SMAP1: variants seen among roughly 807,000 people sequenced by gnomAD.
SMAP1 encodes the protein small ArfGAP 1.
A neutral mutation model predicts 58.5 loss-of-function variants in SMAP1; 24 were observed. The observed-to-expected ratio is 0.41, with a 90% CI of 0.30 to 0.58. SMAP1 has a LOEUF of 0.58. Among genes scored for constraint, SMAP1 ranks in the 20% least tolerant of loss-of-function variants. The probability of loss-of-function intolerance (pLI) is 0.29; values close to 1 mark genes in which losing one functional copy is unlikely to be tolerated. For missense variants in SMAP1, 563 were observed against 566.3 expected (o/e 0.99, Z 0.06); for synonymous variants, 216 against 196.6 (o/e 1.10, Z -0.82).
intron 3 of SMAP1, among the ~76,000 whole-genome samples, chr6:70,765,721 T>A (rs1480566499): frequency 6.6e-6 from 1 of 151,948 alleles, no homozygotes; most frequent in Non-Finnish European, 1.5e-5. Context: ...TATTCACTTT[T>A]CTTTTTTTAT....
intron 1 of SMAP1, among the ~76,000 whole-genome samples, chr6:70,695,332 G>A (rs1395181096): frequency 6.6e-6 from 1 of 152,114 alleles, no homozygotes; most frequent in African/African-American, 2.4e-5. Context: ...AATAACAGTA[G>A]TGACAGTGGG....
intron 6 of SMAP1, among the ~76,000 whole-genome samples, chr6:70,799,926 G>A (rs1377991187): frequency 3.9e-5 from 6 of 151,992 alleles, no homozygotes; most frequent in Non-Finnish European, 7.4e-5. Context: ...GTGTTGTCAG[G>A]GATTTTAGCA....
At chr6:70,668,548 G>A in intron 1 of SMAP1, 1 of 1,527,698 alleles carries the variant, frequency 6.5e-7, no homozygotes, top group Non-Finnish European at 8.7e-7. Context: ...GGGTGGGGCC[G>A]CGCTTAGGTC....
At chr6:70,852,460 A>G (rs1000624098) in intron 7 of SMAP1, 80 bp from the exon 8 acceptor site, 2 of 1,277,308 alleles carry the variant, frequency 1.6e-6, no homozygotes, top group South Asian at 4.8e-5. Flanking sequence ...TTTTAACCAT[A>G]TATCAATTTT....
chr6:70,787,707 C>T (rs1006280236), intron 4 of SMAP1, among the ~76,000 whole-genome samples: 2 of 151,736 alleles, frequency 1.3e-5, no homozygotes, highest in African/African-American at 4.8e-5. Context: ...AAATGCTCAT[C>T]ATCACTGGCC....
chr6:70,832,990 G>A (rs773268749), intron 6 of SMAP1, among the ~76,000 whole-genome samples: 6 of 151,942 alleles, frequency 3.9e-5, no homozygotes, highest in Non-Finnish European at 5.9e-5. Context: ...ACTTCCTGTC[G>A]TTTTACACAA....
At chr6:70,821,060 G>T (rs1246826078) in intron 6 of SMAP1, among the ~76,000 whole-genome samples, 3 of 151,902 alleles carry the variant, frequency 2.0e-5, no homozygotes, top group Non-Finnish European at 4.4e-5. Flanking sequence ...TTCCTGTTAG[G>T]ATTTCCCCCC....
intron 3 of SMAP1, among the ~76,000 whole-genome samples, chr6:70,767,615 G>T (rs1470855785): frequency 6.6e-6 from 1 of 151,278 alleles, no homozygotes; most frequent in Non-Finnish European, 1.5e-5. Context: ...CTGAGACTTT[G>T]CTGAAGTTGC....
At chr6:70,693,273 G>T (rs1767251557) in intron 1 of SMAP1, among the ~76,000 whole-genome samples, 1 of 145,978 alleles carries the variant, frequency 6.9e-6, no homozygotes, top group Non-Finnish European at 1.5e-5. Context: ...GTAAATTTTA[G>T]GATTTCTGTG....
intron 1 of SMAP1, among the ~76,000 whole-genome samples, chr6:70,724,481 C>T (rs772823437): frequency 1.1e-4 from 16 of 152,308 alleles, no homozygotes; most frequent in Non-Finnish European, 2.1e-4. Flanking sequence ...CAGGCGTGAG[C>T]CACTGCACCC....
chr6:70,729,426 G>A (rs1765325854), intron 1 of SMAP1, among the ~76,000 whole-genome samples: 1 of 141,662 alleles, frequency 7.1e-6, no homozygotes, highest in South Asian at 2.3e-4. Flanking sequence ...GCAACAGAGC[G>A]AGACTCCGTC....
chr6:70,816,053 A>G (rs1294006624), intron 6 of SMAP1, among the ~76,000 whole-genome samples: 1 of 152,178 alleles, frequency 6.6e-6, no homozygotes, highest in African/African-American at 2.4e-5. Context: ...AATAGGAGAC[A>G]GAGTGTGGAG....
chr6:70,859,478 A>G, intron 10 of SMAP1: 2 of 1,080,754 alleles, frequency 1.9e-6, no homozygotes, highest in South Asian at 3.1e-5. Context: ...AGTTTATGTT[A>G]GTGTCTTTGA....
intron 7 of SMAP1, among the ~76,000 whole-genome samples, chr6:70,845,907 G>A (rs553193233): frequency 2.6e-4 from 40 of 152,332 alleles, no homozygotes; most frequent in African/African-American, 9.1e-4. Context: ...CAACTGGAAA[G>A]GGGAAGCCCT....
chr6:70,827,531 A>G (rs867955153), intron 6 of SMAP1, among the ~76,000 whole-genome samples: 2 of 152,328 alleles, frequency 1.3e-5, no homozygotes, highest in Middle Eastern at 3.4e-3. Flanking sequence ...AAATGGGTAG[A>G]TGTTACAAAT....
At chr6:70,797,137 C>G (rs996982260) in intron 5 of SMAP1, among the ~76,000 whole-genome samples, 12 of 151,944 alleles carry the variant, frequency 7.9e-5, no homozygotes, top group African/African-American at 1.2e-4. Context: ...TATTCATGCC[C>G]CAAATATAAA....
intron 1 of SMAP1, among the ~76,000 whole-genome samples, chr6:70,680,507 T>C (rs1233243023): frequency 1.3e-5 from 2 of 152,168 alleles, no homozygotes; most frequent in Non-Finnish European, 2.9e-5. Flanking sequence ...ATAGCAGCAT[T>C]ATTCATAATA....
intron 4 of SMAP1, among the ~76,000 whole-genome samples, chr6:70,775,825 A>G (rs990165438): frequency 1.3e-5 from 2 of 152,220 alleles, no homozygotes; most frequent in African/African-American, 4.8e-5. Context: ...ACCTATTCCA[A>G]TATAAGCAAA....
At chr6:70,675,650 C>CA (rs571061801) in intron 1 of SMAP1, among the ~76,000 whole-genome samples, 4,118 of 82,196 alleles carry the variant, frequency 0.05, 192 homozygotes, top group African/African-American at 0.16. Flanking sequence ...GACTCCATCT[C>CA]AAAAAAAAAA....
Sources: gnomAD v4.1 joint callset for allele counts (sites outside exome capture counted in the v4.1 genomes callset) on GRCh38, gnomAD v4.1.1 for gene constraint, MANE v1.5 for transcripts, NCBI Gene and HGNC (gene_info 2026-07-23, HGNC 2026-07-21) for gene names.